ACSL5: variants seen among roughly 807,000 people sequenced by gnomAD.
ACSL5 encodes the protein acyl-CoA synthetase long chain family member 5.
ACSL5 carries 50 observed loss-of-function variants against 84.9 expected under a neutral mutation model. The observed-to-expected ratio is 0.59, with a 90% CI of 0.47 to 0.75. ACSL5 has a LOEUF of 0.75. ACSL5 is among the 30% of genes least tolerant of loss of function. ACSL5 has a pLI of 0.00. For missense variants in ACSL5, 775 were observed against 830.4 expected, an observed-to-expected ratio of 0.93 and a Z score of 0.82; for synonymous variants, 280 against 300.7, an observed-to-expected ratio of 0.93 and a Z score of 0.71.
At position 112,391,025 on chromosome 10, in the gene ACSL5, G is replaced by A. The variant is rs181265229; in HGVS notation, c.-29-3893G>A. On this transcript the variant is annotated intron_variant, in intron 1 of 20. Coordinates refer to ENST00000354655, the MANE Select transcript of ACSL5 (RefSeq NM_203379.2). ...ATTGTGAATGTACTAAATACTGCCC[G>A]ATTGTACATTTTAAAGTGGTTAATT... Among the ~76,000 whole-genome samples, 128 of 152,292 alleles carry A rather than the reference G, an allele frequency of 8.4e-4. 1 individual carries two copies. Among genetic ancestry groups the A allele is most frequent in the Non-Finnish European group, 1.5e-3 (105 of 68,024 alleles).
At chr10:112,404,062 G>A (rs187726144) in intron 3 of ACSL5, among the ~76,000 whole-genome samples, 13 of 152,276 alleles carry the variant, frequency 8.5e-5, no homozygotes, top group Admixed American at 5.9e-4. Flanking sequence ...GTTAATAATG[G>A]TATTTGGGTG....
intron 3 of ACSL5, among the ~76,000 whole-genome samples, chr10:112,403,854 G>A (rs375787380): frequency 3.3e-5 from 5 of 152,096 alleles, no homozygotes; most frequent in South Asian, 4.1e-4. Context: ...AAATACCCAC[G>A]ATGAAATAAA....
At chr10:112,385,354 TA>T (rs1214161248) in intron 1 of ACSL5, among the ~76,000 whole-genome samples, 5 of 152,192 alleles carry the variant, frequency 3.3e-5, no homozygotes, top group Admixed American at 6.5e-5. Flanking sequence ...ATTTGTGATG[TA>T]GTTTATTGAT....
At chr10:112,381,411 T>C (rs1392911862) in intron 1 of ACSL5, among the ~76,000 whole-genome samples, 1 of 152,166 alleles carries the variant, frequency 6.6e-6, no homozygotes, top group Non-Finnish European at 1.5e-5. Context: ...CTCACACTTG[T>C]AATCCCAGCA....
At chr10:112,378,586 G>A (rs1276072030) in intron 1 of ACSL5, among the ~76,000 whole-genome samples, 1 of 152,026 alleles carries the variant, frequency 6.6e-6, no homozygotes, top group Non-Finnish European at 1.5e-5. Context: ...GGAATACAGT[G>A]TCTGCTCCTG....
At chr10:112,416,212 C>A (rs539479740) in intron 12 of ACSL5, among the ~76,000 whole-genome samples, 43 of 152,248 alleles carry the variant, frequency 2.8e-4, no homozygotes, top group African/African-American at 9.4e-4. Context: ...TGGCTCACGC[C>A]TGTAATCCCA....
intron 3 of ACSL5, among the ~76,000 whole-genome samples, chr10:112,399,399 G>GTAAT (rs768696476): frequency 6.6e-6 from 1 of 152,120 alleles, no homozygotes; most frequent in Non-Finnish European, 1.5e-5. Context: ...TTTCATTAAT[G>GTAAT]TAATTCCCTG....
In ACSL5 at chr10:112,399,007, C is replaced by G. The variant is rs781331038; in HGVS notation, c.263C>G (p.Ser88Cys). 4 of 1,612,118 alleles carry G rather than the reference C, an allele frequency of 2.5e-6. No individual in the cohort carries two copies. The highest frequency in any genetic ancestry group is 3.4e-6 in the Non-Finnish European group (4 of 1,178,276). Residue 88 changes from serine (S) to cysteine (C), a missense_variant and splice_region_variant, in exon 3 of 21, where the codon TCT becomes TGT. Transcript: ENST00000354655. ...YEVFQRGLAV[S>C]DNGPCLGYRK... ...GTTTTCCAAAGAGGACTCGCTGTGT[C>G]TGGTAAGCCTGGTGGTCTGTCCTTG...
chr10:112,405,861 G>A (rs1472531346), intron 5 of ACSL5, among the ~76,000 whole-genome samples: 1 of 152,052 alleles, frequency 6.6e-6, no homozygotes, highest in East Asian at 1.9e-4. Flanking sequence ...AAAATGATAA[G>A]GAAGAGAAAA....
At chr10:112,414,442 G>A (rs1481207998) in intron 12 of ACSL5, among the ~76,000 whole-genome samples, 3 of 137,426 alleles carry the variant, frequency 2.2e-5, no homozygotes, top group Admixed American at 8.1e-5. Flanking sequence ...TGCAACCTCC[G>A]CCTCCTGGGT....
At chr10:112,425,167 C>G in intron 17 of ACSL5, 171 bp from the exon 18 acceptor site, 1 of 539,062 alleles carries the variant, frequency 1.9e-6, no homozygotes, top group Admixed American at 3.6e-5. Context: ...TCTTGCTGCA[C>G]GATGCTTCCC....
intron 12 of ACSL5, among the ~76,000 whole-genome samples, chr10:112,416,339 C>T (rs751173700): frequency 4.0e-5 from 6 of 151,820 alleles, no homozygotes; most frequent in South Asian, 2.1e-4. Context: ...GGCGTGGTGG[C>T]GGGTGCCTGT....
chr10:112,384,937 A>ACATC, intron 1 of ACSL5, among the ~76,000 whole-genome samples: 1 of 152,342 alleles, frequency 6.6e-6, no homozygotes, highest in South Asian at 2.1e-4. Flanking sequence ...CCCTGGCAGT[A>ACATC]CATCATGAGC....
intron 1 of ACSL5, among the ~76,000 whole-genome samples, chr10:112,381,257 A>G (rs1399368805): frequency 1.3e-5 from 2 of 152,186 alleles, no homozygotes; most frequent in Non-Finnish European, 1.5e-5. Flanking sequence ...AGTTTCTAGG[A>G]CTAGATAGAC....
At chr10:112,412,114 T>G in intron 11 of ACSL5, 135 bp downstream of exon 11, 1 of 871,280 alleles carries the variant, frequency 1.1e-6, no homozygotes, top group Non-Finnish European at 1.9e-6. Flanking sequence ...AGTTGGCTCA[T>G]GGGAGCCCTA....
chr10:112,394,838 C>G, intron 1 of ACSL5, 80 bp from the exon 2 acceptor site: 1 of 1,550,086 alleles, frequency 6.5e-7, no homozygotes, highest in East Asian at 2.2e-5. Context: ...GTGTGTGTGT[C>G]CTTCTGAAAA....
chr10:112,395,658 G>A (rs922962321), intron 2 of ACSL5, among the ~76,000 whole-genome samples: 13 of 152,078 alleles, frequency 8.5e-5, no homozygotes, highest in Admixed American at 2.6e-4. Flanking sequence ...TCACTCCCCC[G>A]ACTTTCAGCA....
At chr10:112,378,424 T>C (rs1849285036) in intron 1 of ACSL5, among the ~76,000 whole-genome samples, 1 of 151,722 alleles carries the variant, frequency 6.6e-6, no homozygotes, top group Admixed American at 6.6e-5. Flanking sequence ...TTTTTGTACT[T>C]TTAGTAGAGA....
chr10:112,425,443 C>T lies in ACSL5; in HGVS notation c.1699C>T (p.Pro567Ser). 6.2e-7 allele frequency: 1 copy of T among 1,612,908 alleles called. No homozygotes were observed. The highest frequency in any genetic ancestry group is 8.5e-7 in the Non-Finnish European group (1 of 1,179,486). ...AGAAAATATCTACAACAGGAGTCAA[C>T]CAGTGTTACAAATTTTTGTACACGG... ...KIENIYNRSQPVLQIFVHGES... is the reference protein window; with the variant it reads ...KIENIYNRSQSVLQIFVHGES... Residue 567 changes from proline to serine, a missense_variant, in exon 18 of 21, where the codon CCA (proline) becomes TCA (serine). Physicochemically the swap from Pro to Ser is moderately conservative, Grantham distance 74. Transcript: ENST00000354655.
Sources: gnomAD v4.1 joint callset for allele counts (sites outside exome capture counted in the v4.1 genomes callset) on GRCh38, gnomAD v4.1.1 for gene constraint, MANE v1.5 for transcripts, NCBI Gene and HGNC (gene_info 2026-07-23, HGNC 2026-07-21) for gene names.